Variants in MSRA observed in about 807,000 individuals in gnomAD.
MSRA encodes methionine sulfoxide reductase A, also known as mitochondrial peptide methionine sulfoxide reductase.
MSRA carries 54 observed loss-of-function variants against 31.3 expected under a neutral mutation model. The observed-to-expected ratio is 1.73, with a 90% CI of 1.39 to 2.17. MSRA has a LOEUF of 2.17. Ranked by LOEUF, MSRA falls within the 30% of genes most tolerant of loss-of-function variation. MSRA has a pLI of 0.00. For missense variants in MSRA, 507 were observed against 300.9 expected, an observed-to-expected ratio of 1.69 and a Z score of -5.07; for synonymous variants, 169 against 116.5, an observed-to-expected ratio of 1.45 and a Z score of -2.90.
chr8:10,271,002 T>G (rs1205136293), intron 3 of MSRA, among the ~76,000 whole-genome samples: 1 of 152,024 alleles, frequency 6.6e-6, no homozygotes, highest in African/African-American at 2.4e-5. Flanking sequence ...AACCCTCAGC[T>G]GCCTGGTGCA....
rs114301997 is a variant in MSRA, at chr8:10,220,818, T to C, written c.211+12917T>C. ...GTCAGGGTGGCAGTGGGCACTCACA[T>C]TGGGAAGCATGGAAGAGTTTTGATT... is the stretch of plus-strand genomic sequence containing the variant. On this transcript the variant is annotated intron_variant, in intron 2 of 5. Transcript: ENST00000317173. 1.8e-3 allele frequency among the ~76,000 whole-genome samples: 278 copies of C among 152,300 alleles called. 2 individuals carry two copies. Among genetic ancestry groups the C allele is most frequent in the African/African-American group, 6.4e-3 (268 of 41,570 alleles).
At chr8:10,124,944 A>G (rs1193003511) in intron 1 of MSRA, among the ~76,000 whole-genome samples, 1 of 152,248 alleles carries the variant, frequency 6.6e-6, no homozygotes, top group East Asian at 1.9e-4. Flanking sequence ...ATTTTGGAAT[A>G]TAACTCACTG....
chr8:10,363,933 C>A (rs1002509493), intron 5 of MSRA, among the ~76,000 whole-genome samples: 1 of 151,982 alleles, frequency 6.6e-6, no homozygotes, highest in African/African-American at 2.4e-5. Context: ...CCTGTAACAA[C>A]AAAACAACAA....
intron 1 of MSRA, among the ~76,000 whole-genome samples, chr8:10,088,798 C>G (rs373461010): frequency 2.6e-5 from 4 of 152,078 alleles, no homozygotes; most frequent in Non-Finnish European, 5.9e-5. Flanking sequence ...CAATGGAATA[C>G]TAGCCTTAAG....
At chr8:10,080,919 G>A (rs1798261808) in intron 1 of MSRA, among the ~76,000 whole-genome samples, 1 of 152,182 alleles carries the variant, frequency 6.6e-6, no homozygotes, top group African/African-American at 2.4e-5. Context: ...CCATGTGCAA[G>A]GTCTTCCATA....
At chr8:10,232,763 A>T (rs1563249089) in intron 2 of MSRA, among the ~76,000 whole-genome samples, 1 of 152,244 alleles carries the variant, frequency 6.6e-6, no homozygotes, top group Non-Finnish European at 1.5e-5. Context: ...GTAGAAATGC[A>T]GGAATCTTAA....
chr8:10,380,073 C>T (rs767732862), intron 5 of MSRA, among the ~76,000 whole-genome samples: 3 of 152,202 alleles, frequency 2.0e-5, no homozygotes, highest in Non-Finnish European at 4.4e-5. Context: ...TGATGTCCAT[C>T]TTGTTCTTGG....
chr8:10,237,945 GC>G (rs1215285274), intron 2 of MSRA, among the ~76,000 whole-genome samples: 1 of 152,156 alleles, frequency 6.6e-6, no homozygotes. Flanking sequence ...ACCGAGGACA[GC>G]CAGAGTGATT....
At chr8:10,331,102 G>A (rs534863912) in intron 5 of MSRA, among the ~76,000 whole-genome samples, 12 of 152,358 alleles carry the variant, frequency 7.9e-5, no homozygotes, top group African/African-American at 2.4e-4. Flanking sequence ...CAAGCCCTGA[G>A]AAGAGGACTT....
chr8:10,091,828 A>T (rs1798874383), intron 1 of MSRA, among the ~76,000 whole-genome samples: 1 of 152,098 alleles, frequency 6.6e-6, no homozygotes. Context: ...GCTGGTCTCG[A>T]ACTCTTGTCC....
chr8:10,304,669 G>C (rs931418760), intron 4 of MSRA, among the ~76,000 whole-genome samples: 6 of 152,164 alleles, frequency 3.9e-5, no homozygotes, highest in Non-Finnish European at 8.8e-5. Context: ...CACCACATCT[G>C]ACCACAGCTG....
At chr8:10,272,021 T>C (rs1355551459) in intron 3 of MSRA, among the ~76,000 whole-genome samples, 2 of 152,188 alleles carry the variant, frequency 1.3e-5, no homozygotes, top group Admixed American at 6.5e-5. Flanking sequence ...TACTCTTTTT[T>C]AAAAATCCTC....
At chr8:10,374,601 A>G (rs978250064) in intron 5 of MSRA, among the ~76,000 whole-genome samples, 4 of 152,208 alleles carry the variant, frequency 2.6e-5, no homozygotes, top group African/African-American at 9.6e-5. Flanking sequence ...GTCCCACTCT[A>G]TATTAGCAGG....
chr8:10,066,267 G>T (rs1797450836), intron 1 of MSRA, among the ~76,000 whole-genome samples: 1 of 152,100 alleles, frequency 6.6e-6, no homozygotes, highest in Non-Finnish European at 1.5e-5. Context: ...GATTACAGGC[G>T]TGAGCCCCTC....
chr8:10,272,388 G>A (rs2129101203), intron 3 of MSRA, among the ~76,000 whole-genome samples: 1 of 152,302 alleles, frequency 6.6e-6, no homozygotes, highest in Non-Finnish European at 1.5e-5. Flanking sequence ...AGGAAGAGCT[G>A]ATGTTTTAGT....
intron 1 of MSRA, among the ~76,000 whole-genome samples, chr8:10,122,372 C>T (rs1801186851): frequency 6.6e-6 from 1 of 152,092 alleles, no homozygotes; most frequent in Non-Finnish European, 1.5e-5. Context: ...GAAGCTGTCC[C>T]CAAGTCATGG....
chr8:10,385,930 C>T (rs543571039), intron 5 of MSRA, among the ~76,000 whole-genome samples: 38 of 152,044 alleles, frequency 2.5e-4, no homozygotes, highest in Admixed American at 3.3e-4. Context: ...GGACAATACG[C>T]GATCACAGAC....
chr8:10,088,805 T>C (rs951499115), intron 1 of MSRA, among the ~76,000 whole-genome samples: 1 of 152,152 alleles, frequency 6.6e-6, no homozygotes, highest in African/African-American at 2.4e-5. Context: ...ATACTAGCCT[T>C]AAGAAAGAAG....
chr8:10,296,382 T>C lies in MSRA; in HGVS notation c.332-5152T>C, dbSNP rs564933104. On this transcript the variant is annotated intron_variant, in intron 3 of 5. Coordinates refer to ENST00000317173, the MANE Select transcript of MSRA (RefSeq NM_012331.5). ...ACAATAGAAACCTCGTGTTTGTGTA[T>C]GGAGAGCCTTACGCTTCCCAAATAC... Among the ~76,000 whole-genome samples the C allele has an allele frequency of 1.7e-3, 253 of 152,340 alleles. 1 individual carries two copies. The highest frequency in any genetic ancestry group is 5.7e-3 in the African/African-American group (237 of 41,572).
Sources: gnomAD v4.1 joint callset for allele counts (sites outside exome capture counted in the v4.1 genomes callset) on GRCh38, gnomAD v4.1.1 for gene constraint, MANE v1.5 for transcripts, NCBI Gene and HGNC (gene_info 2026-07-23, HGNC 2026-07-21) for gene names.